The following PDE1A variants were observed in gnomAD, a reference collection of about 807,000 sequenced individuals.
PDE1A encodes phosphodiesterase 1A, also known as dual specificity calcium/calmodulin-dependent 3',5'-cyclic nucleotide phosphodiesterase 1A.
PDE1A carries 35 observed loss-of-function variants against 61.7 expected under a neutral mutation model. That is an observed-to-expected ratio of 0.57 (90% CI 0.43 to 0.75). The LOEUF (loss-of-function observed/expected upper bound fraction) is 0.75. Among genes scored for constraint, PDE1A ranks in the 30% least tolerant of loss-of-function variants. The pLI, the probability that PDE1A is intolerant of heterozygous loss-of-function variation, is 0.00. For synonymous variants in PDE1A, 232 were observed against 213.2 expected (o/e 1.09, Z -0.77); for missense variants, 597 against 630.6 (o/e 0.95, Z 0.57).
chr2:182,369,975 G>C (rs1183069492), intron 1 of PDE1A, among the ~76,000 whole-genome samples: 1 of 152,174 alleles, frequency 6.6e-6, no homozygotes, highest in South Asian at 2.1e-4. Flanking sequence ...AGGAGATCAA[G>C]ACCATCCTGG....
At chr2:182,704,213 A>C in the PDE1A span, among the ~76,000 whole-genome samples, 1 of 149,810 alleles carries the variant, frequency 6.7e-6, no homozygotes, top group Non-Finnish European at 1.5e-5. Flanking sequence ...TCCGTCTGGA[A>C]AAAAAAAAAA....
chr2:182,230,008 T>C (rs535630464), exon 6 of PDE1A: 4 of 1,610,144 alleles, frequency 2.5e-6, no homozygotes, highest in South Asian at 1.1e-5. Context: ...TGTCTTACCA[T>C]GATACCTGTA....
intron 2 of PDE1A, among the ~76,000 whole-genome samples, chr2:182,248,715 T>C (rs1362125805): frequency 1.3e-5 from 2 of 152,164 alleles, no homozygotes; most frequent in Non-Finnish European, 2.9e-5. Context: ...AATGATTACA[T>C]TCATGTACTG....
chr2:182,255,279 T>A (rs531311658), intron 2 of PDE1A, among the ~76,000 whole-genome samples: 2 of 152,322 alleles, frequency 1.3e-5, no homozygotes, highest in South Asian at 4.1e-4. Context: ...TTGGTTGGGT[T>A]TCCTATCACT....
intron 10 of PDE1A, 78 bp from the exon 11 acceptor site, chr2:182,189,138 A>G: frequency 1.3e-6 from 1 of 798,294 alleles, no homozygotes; most frequent in South Asian, 2.0e-5. Context: ...TATAAAGCCT[A>G]GAAAAGCCAC....
At chr2:182,205,507 A>AT (rs554449826) in intron 8 of PDE1A, among the ~76,000 whole-genome samples, 6 of 152,018 alleles carry the variant, frequency 3.9e-5, no homozygotes, top group African/African-American at 1.5e-4. Context: ...GTATATTGGA[A>AT]TTTTTTTCCC....
the PDE1A span, among the ~76,000 whole-genome samples, chr2:182,534,512 C>G: frequency 6.6e-6 from 1 of 151,576 alleles, no homozygotes; most frequent in Non-Finnish European, 1.5e-5. Flanking sequence ...AAATTACTTA[C>G]CAGTTTGATA....
rs1686273277 is a variant in PDE1A, at chr2:182,197,935, A to G, written c.1125+3504T>C. ...TTTTAGAATCAGCCTTTCAACTTCTACAAATAAGCCTGTTACAATTTCTGA... is the reference window on the plus strand; with the variant it reads ...TTTTAGAATCAGCCTTTCAACTTCTGCAAATAAGCCTGTTACAATTTCTGA... On this transcript the variant is annotated intron_variant, in intron 10 of 13. Transcript: ENST00000351439. 3.3e-5 allele frequency among the ~76,000 whole-genome samples: 5 copies of G among 151,956 alleles called. No homozygotes were observed. The South Asian group carries it at 1.0e-3, about 31-fold the overall frequency.
intron 13 of PDE1A, among the ~76,000 whole-genome samples, chr2:182,184,192 G>T (rs1685020472): frequency 6.6e-6 from 1 of 151,446 alleles, no homozygotes; most frequent in Admixed American, 6.6e-5. Flanking sequence ...ATGACAGAAA[G>T]CTTTCTAAAT....
chr2:182,662,339 A>C, the PDE1A span, among the ~76,000 whole-genome samples: 1 of 74,694 alleles, frequency 1.3e-5, no homozygotes, highest in Non-Finnish European at 2.8e-5. Flanking sequence ...TGAAAAAAAA[A>C]AGAAAAAAAA....
chr2:182,468,128 G>A (rs2125794039), intron 2 of PDE1A, among the ~76,000 whole-genome samples: 1 of 151,954 alleles, frequency 6.6e-6, no homozygotes, highest in Middle Eastern at 3.4e-3. Flanking sequence ...GGTGGTTGTG[G>A]CAATTTCATA....
At chr2:182,623,430 T>C in the PDE1A span, among the ~76,000 whole-genome samples, 1 of 152,220 alleles carries the variant, frequency 6.6e-6, no homozygotes, top group Non-Finnish European at 1.5e-5. Flanking sequence ...GTTGATATTT[T>C]ACCTGCTCTT....
At chr2:182,393,026 A>G (rs1228622743) in intron 1 of PDE1A, among the ~76,000 whole-genome samples, 1 of 152,210 alleles carries the variant, frequency 6.6e-6, no homozygotes, top group African/African-American at 2.4e-5. Flanking sequence ...TCACAGCTCC[A>G]CTAGGCAGTG....
chr2:182,207,642 G>C (rs1266196398), intron 7 of PDE1A, among the ~76,000 whole-genome samples: 2 of 152,234 alleles, frequency 1.3e-5, no homozygotes, highest in African/African-American at 2.4e-5. Context: ...GGAATTCAAG[G>C]CTGCAAAAAT....
intron 8 of PDE1A, among the ~76,000 whole-genome samples, chr2:182,203,440 ATTC>A (rs1686841085): frequency 6.6e-6 from 1 of 152,202 alleles, no homozygotes. Flanking sequence ...ACTTACTTTT[ATTC>A]AAGTAGTAAG....
chr2:182,344,608 A>G (rs958596616), intron 1 of PDE1A, among the ~76,000 whole-genome samples: 2 of 152,228 alleles, frequency 1.3e-5, no homozygotes, highest in Admixed American at 6.5e-5. Context: ...TTCAGTACCA[A>G]AAGTGTATTT....
At chr2:182,508,658 AAC>A (rs1689570905) in intron 2 of PDE1A, among the ~76,000 whole-genome samples, 1 of 151,784 alleles carries the variant, frequency 6.6e-6, no homozygotes, top group Non-Finnish European at 1.5e-5. Context: ...TAGCATTTTT[AAC>A]ACAGAGTATA....
At chr2:182,496,381 A>G (rs1407775777) in intron 2 of PDE1A, among the ~76,000 whole-genome samples, 1 of 152,262 alleles carries the variant, frequency 6.6e-6, no homozygotes, top group South Asian at 2.1e-4. Context: ...GTGGTTATGT[A>G]TCTTTTTTAT....
intron 2 of PDE1A, among the ~76,000 whole-genome samples, chr2:182,448,698 T>C (rs1685301508): frequency 6.6e-6 from 1 of 152,104 alleles, no homozygotes; most frequent in South Asian, 2.1e-4. Context: ...TTCAGCAGAG[T>C]TCCAAATTGG....
Sources: gnomAD v4.1 joint callset for allele counts (sites outside exome capture counted in the v4.1 genomes callset) on GRCh38, gnomAD v4.1.1 for gene constraint, MANE v1.5 for transcripts, NCBI Gene and HGNC (gene_info 2026-07-23, HGNC 2026-07-21) for gene names.